Variants in OSBPL3 observed in about 807,000 individuals in gnomAD.
The protein encoded by OSBPL3 is oxysterol-binding protein-related protein 3.
OSBPL3 carries 65 observed loss-of-function variants against 120.1 expected under a neutral mutation model. The ratio of observed to expected loss-of-function variants is 0.54; its 90% confidence interval spans 0.44 to 0.67. OSBPL3 has a LOEUF of 0.67. Ranked by LOEUF, OSBPL3 falls within the 30% of genes least tolerant of loss-of-function variation. The pLI, the probability that OSBPL3 is intolerant of heterozygous loss-of-function variation, is 0.00. For synonymous variants in OSBPL3, 416 were observed against 402.6 expected (o/e 1.03, Z -0.40); for missense variants, 1,004 against 1,082.1 (o/e 0.93, Z 1.01).
intron 16 of OSBPL3, among the ~76,000 whole-genome samples, chr7:24,828,343 G>C (rs1584270299): frequency 6.6e-6 from 1 of 152,064 alleles, no homozygotes; most frequent in Admixed American, 6.6e-5. Flanking sequence ...AGGCGTGGTG[G>C]TTCATGCCTG....
At chr7:24,870,320 G>A (rs1382056960) in intron 5 of OSBPL3, among the ~76,000 whole-genome samples, 2 of 152,208 alleles carry the variant, frequency 1.3e-5, no homozygotes, top group African/African-American at 2.4e-5. Flanking sequence ...ATTTTAGTGG[G>A]ATTCCTATAA....
chr7:24,917,446 T>TATCTTTGTAACATATATATATAC (rs1366145573), intron 1 of OSBPL3, among the ~76,000 whole-genome samples: 1 of 122,230 alleles, frequency 8.2e-6, no homozygotes. Context: ...TATATATATA[T>TATCTTTGTAACATATATATATAC]ACACACACAT....
At chr7:24,928,957 A>G (rs1811441564) in intron 1 of OSBPL3, among the ~76,000 whole-genome samples, 2 of 152,196 alleles carry the variant, frequency 1.3e-5, no homozygotes, top group African/African-American at 2.4e-5. Context: ...TGTTACAATC[A>G]AGCTGCTATT....
At chr7:24,844,812 G>C (rs1169309130) in intron 12 of OSBPL3, among the ~76,000 whole-genome samples, 1 of 151,194 alleles carries the variant, frequency 6.6e-6, no homozygotes, top group East Asian at 2.0e-4. Flanking sequence ...TAACTTGCTG[G>C]TATTTTCATA....
intron 1 of OSBPL3, among the ~76,000 whole-genome samples, chr7:24,917,382 CATATATATATATTTGTAACATAT>C (rs1279309235): frequency 3.1e-5 from 3 of 97,030 alleles, no homozygotes; most frequent in Non-Finnish European, 6.0e-5. Flanking sequence ...ATATTTGTAA[CATATATATATATTTGTAACATAT>C]ATATATATAT....
At chr7:24,905,184 G>C (rs773964799) in intron 1 of OSBPL3, among the ~76,000 whole-genome samples, 4 of 151,888 alleles carry the variant, frequency 2.6e-5, no homozygotes, top group Non-Finnish European at 4.4e-5. Context: ...AAGCATCGGG[G>C]GTCAAGAGGA....
At chr7:24,897,012 C>T (rs1806229987) in intron 1 of OSBPL3, among the ~76,000 whole-genome samples, 2 of 148,304 alleles carry the variant, frequency 1.3e-5, no homozygotes, top group Non-Finnish European at 3.0e-5. Context: ...GCAGAGGTTG[C>T]AGTGAACTGA....
rs1378322868 is a variant in OSBPL3 at position 24,834,362 on chromosome 7, T to C, written c.1746+124A>G. On this transcript the variant is annotated intron_variant, in intron 15 of 22. Transcript: ENST00000313367. This position sits in a 1 kb window ranked among gnomAD's most constrained non-coding sequence, Gnocchi z 5.2. Reference sequence around the variant, plus strand: ...GCCAGACAGCTCTGAGTAATGAACCTGTTTACGGAACAATCAAAATGAAAC... The same window carrying C: ...GCCAGACAGCTCTGAGTAATGAACCCGTTTACGGAACAATCAAAATGAAAC... The C allele has an allele frequency of 1.3e-6, 2 of 1,508,250 alleles. No individual in the cohort carries two copies. The highest frequency in any genetic ancestry group is 1.8e-6 in the Non-Finnish European group (2 of 1,128,988). The allele number at this position is 1,508,250 out of a possible 1,614,324, so 93.4% of individuals were successfully genotyped here. A position where few individuals can be genotyped will look rare whatever the true frequency, so the allele number is the denominator to read the frequency against.
Position 24,968,910 on chromosome 7 carries a change from T to C in OSBPL3, c.-150+10976A>G, listed in dbSNP as rs529479384. ...ATTATTTTTAATTAGTACTTACTGA[T>C]GAAAATTAAGTTACTTGCAATCTGG... On this transcript the variant is annotated intron_variant, in intron 1 of 22. Coordinates refer to ENST00000313367, the MANE Select transcript of OSBPL3 (RefSeq NM_015550.4). The surrounding 1 kb of genome is among the most constrained non-coding windows in gnomAD (Gnocchi z 4.6). Among the ~76,000 whole-genome samples the C allele has an allele frequency of 3.9e-5, 6 of 152,342 alleles. No individual in the cohort carries two copies. The South Asian group carries it at 1.2e-3, about 32-fold the overall frequency.
In OSBPL3 at chr7:24,800,206, G is replaced by A. The variant is rs895670375; in HGVS notation, c.2641C>T (p.Leu881=). The A allele has an allele frequency of 2.5e-6, 4 of 1,604,550 alleles. No individual in the cohort carries two copies. The highest frequency in any genetic ancestry group is 2.6e-6 in the Non-Finnish European group (3 of 1,171,408). Residue 881 remains leucine, a synonymous_variant, in exon 23 of 23, where the codon CTG becomes TTG. Transcript: ENST00000313367. The stretch of plus-strand genomic sequence containing the variant: ...TTTCACCATAAGACAGGATGGTCCA[G>A]TTTGGAAAAACCAAGATCTTTTCTA... ...ELRKDLGFSK[L]DHPVLW is the part of the protein sequence containing the mutation.
In OSBPL3 at chr7:24,938,796, T is replaced by TGA. The variant is rs1812732277; in HGVS notation, c.-150+41089_-150+41090insTC. 6.7e-6 allele frequency among the ~76,000 whole-genome samples: 1 copy of TGA among 149,246 alleles called. No individual in the cohort carries two copies. The highest frequency in any genetic ancestry group is 2.5e-5 in the African/African-American group (1 of 40,532). ...TTGTTTTGATGTGTGTGTGTGTGTGTGTGTGTGTGTGTGTGTGTGTGTGTG... is the reference window on the plus strand; with the variant it reads ...TTGTTTTGATGTGTGTGTGTGTGTGTGAGTGTGTGTGTGTGTGTGTGTGTGTG... On this transcript the variant is annotated intron_variant, in intron 1 of 22. Coordinates refer to ENST00000313367, the MANE Select transcript of OSBPL3 (RefSeq NM_015550.4). The surrounding 1 kb of genome is among the most constrained non-coding windows in gnomAD (Gnocchi z 5.8).
Position 24,808,772 on chromosome 7 carries a change from C to T in OSBPL3, c.2317+1035G>A, listed in dbSNP as rs1725305724. On this transcript the variant is annotated intron_variant, in intron 20 of 22. Transcript: ENST00000313367. The surrounding 1 kb of genome is among the most constrained non-coding windows in gnomAD (Gnocchi z 4.6). ...AAATCTCTCTTGCCTACTCTGTTGC[C>T]CGTGACTGGTTCACGGATGGGTCTG... Among the ~76,000 whole-genome samples, 2 of 152,306 alleles carry T rather than the reference C, an allele frequency of 1.3e-5. No individual in the cohort carries two copies. The highest frequency in any genetic ancestry group is 4.1e-4 in the South Asian group (2 of 4,828).
At chr7:24,884,105 T>C (rs1295641432) in intron 2 of OSBPL3, among the ~76,000 whole-genome samples, 1 of 151,884 alleles carries the variant, frequency 6.6e-6, no homozygotes, top group South Asian at 2.1e-4. Flanking sequence ...AAAAAACAGC[T>C]CCAGGCAAAC....
chr7:24,801,041 G>C (rs1487529886), intron 22 of OSBPL3, among the ~76,000 whole-genome samples: 1 of 150,664 alleles, frequency 6.6e-6, no homozygotes, highest in African/African-American at 2.4e-5. Context: ...AGGAGTTCAA[G>C]ACCAGCTTGG....
intron 1 of OSBPL3, among the ~76,000 whole-genome samples, chr7:24,917,250 G>A (rs1809697632): frequency 6.6e-6 from 1 of 151,654 alleles, no homozygotes; most frequent in Non-Finnish European, 1.5e-5. Context: ...GTGCATCAGA[G>A]CAAAATCTGC....
intron 19 of OSBPL3, among the ~76,000 whole-genome samples, chr7:24,814,005 C>G (rs1360889024): frequency 6.6e-6 from 1 of 152,054 alleles, no homozygotes; most frequent in African/African-American, 2.4e-5. Flanking sequence ...CTAGGTTTTG[C>G]TTTTCTGGAG....
At position 24,859,191 on chromosome 7, in the gene OSBPL3, G is replaced by A. The variant is rs1288829881; in HGVS notation, c.1027+2422C>T. Among the ~76,000 whole-genome samples the A allele has an allele frequency of 2.0e-5, 3 of 152,232 alleles. No individual in the cohort carries two copies. In the East Asian group the frequency reaches 5.8e-4, roughly 29 times the overall value. The stretch of plus-strand genomic sequence containing the variant: ...CATGTTTTAAATTTAGAGGGTAAGG[G>A]AAGAGAGAGCTGAAGGAATCAGTAA... On this transcript the variant is annotated intron_variant, in intron 10 of 22. Transcript: ENST00000313367.
intron 12 of OSBPL3, among the ~76,000 whole-genome samples, chr7:24,844,271 G>A (rs1017112050): frequency 3.3e-5 from 5 of 152,284 alleles, no homozygotes; most frequent in South Asian, 4.1e-4. Flanking sequence ...TAAATCAAGC[G>A]TGGCCAACCT....
intron 1 of OSBPL3, among the ~76,000 whole-genome samples, chr7:24,978,403 T>C (rs1817818992): frequency 6.6e-6 from 1 of 152,216 alleles, no homozygotes; most frequent in Non-Finnish European, 1.5e-5. Context: ...ACAGACAAGG[T>C]CTCTGCATTC....
Sources: allele counts gnomAD v4.1 joint callset (sites outside exome capture counted in the v4.1 genomes callset), GRCh38; gene constraint gnomAD v4.1.1; non-coding constraint Gnocchi (gnomAD v3.1); transcripts MANE v1.5; gene names NCBI Gene and HGNC (gene_info 2026-07-23, HGNC 2026-07-21).